Variants in NCK1 observed in about 807,000 individuals in gnomAD.
NCK1 encodes the protein SH2/SH3 adapter protein NCK1.
NCK1 carries 19 observed loss-of-function variants against 36.6 expected under a neutral mutation model. The observed-to-expected ratio is 0.52, with a 90% CI of 0.36 to 0.76. NCK1 has a LOEUF of 0.76. NCK1 is among the 30% of genes least tolerant of loss of function. The pLI is 0.00. For missense variants in NCK1, 358 were observed against 445.6 expected (o/e 0.80, Z 1.77); for synonymous variants, 165 against 156.0 (o/e 1.06, Z -0.43).
intron 2 of NCK1, among the ~76,000 whole-genome samples, chr3:136,932,958 A>G (rs1291357263): frequency 2.6e-5 from 4 of 152,262 alleles, no homozygotes; most frequent in African/African-American, 9.6e-5. Flanking sequence ...GAAATCACTA[A>G]TAAGTACACT....
rs988835074 is a variant in NCK1 at position 136,928,290 on chromosome 3, G to A, written c.226+63G>A. On this transcript the variant is annotated intron_variant, in intron 2 of 3. Coordinates refer to ENST00000481752, the MANE Select transcript of NCK1 (RefSeq NM_001291999.2). ...AATGAAACCTGCAACTTAGTTCTTT[G>A]TACATAATTCTGGCAGCAGTGTGCA... is the stretch of plus-strand genomic sequence containing the variant. The A allele has an allele frequency of 6.3e-6, 9 of 1,438,578 alleles. No homozygotes were observed. The African/African-American group carries it at 1.2e-4, about 18-fold the overall frequency. The allele number at this position is 1,438,578 out of a possible 1,614,324, so 89.1% of individuals were successfully genotyped here.
At chr3:136,924,134 G>A (rs1289086290) in intron 1 of NCK1, among the ~76,000 whole-genome samples, 1 of 152,188 alleles carries the variant, frequency 6.6e-6, no homozygotes, top group Non-Finnish European at 1.5e-5. Flanking sequence ...AATCAGTTCA[G>A]TGCTACAAAT....
intron 1 of NCK1, among the ~76,000 whole-genome samples, chr3:136,879,087 C>T (rs1446321583): frequency 1.3e-5 from 2 of 150,586 alleles, no homozygotes; most frequent in Admixed American, 1.3e-4. Flanking sequence ...ATATAAGAAA[C>T]CTCTTAAAAG....
At chr3:136,927,877 T>A (rs1256709369) in intron 1 of NCK1, 107 bp from the exon 2 acceptor site, 1 of 817,136 alleles carries the variant, frequency 1.2e-6, no homozygotes, top group African/African-American at 1.7e-5. Flanking sequence ...CCATATTTTT[T>A]ACTTTTCATC....
intron 2 of NCK1, among the ~76,000 whole-genome samples, chr3:136,943,102 A>G (rs572940217): frequency 6.6e-6 from 1 of 151,444 alleles, no homozygotes; most frequent in East Asian, 1.9e-4. Flanking sequence ...CAAAGCAGCA[A>G]CTTCTTTCTT....
intron 1 of NCK1, among the ~76,000 whole-genome samples, chr3:136,907,090 C>T (rs1939706350): frequency 6.6e-6 from 1 of 152,062 alleles, no homozygotes; most frequent in African/African-American, 2.4e-5. Flanking sequence ...TCAGTGGGAG[C>T]ATTCATAGGC....
intron 2 of NCK1, among the ~76,000 whole-genome samples, chr3:136,936,001 C>CAT (rs1289627306): frequency 6.6e-6 from 1 of 150,898 alleles, no homozygotes; most frequent in East Asian, 1.9e-4. Context: ...CATGTTGTAG[C>CAT]ATATATCAGT....
intron 1 of NCK1, among the ~76,000 whole-genome samples, chr3:136,882,370 TG>T (rs1938965083): frequency 6.6e-6 from 1 of 152,244 alleles, no homozygotes; most frequent in South Asian, 2.1e-4. Flanking sequence ...GTTATGTTTT[TG>T]TTGAGTCTGA....
intron 2 of NCK1, among the ~76,000 whole-genome samples, chr3:136,935,554 G>T (rs1440404953): frequency 6.6e-6 from 1 of 152,124 alleles, no homozygotes; most frequent in African/African-American, 2.4e-5. Context: ...GACTGAGGGA[G>T]AAACTGAATT....
intron 1 of NCK1, among the ~76,000 whole-genome samples, chr3:136,912,208 G>C (rs546472785): frequency 3.7e-4 from 53 of 145,150 alleles, no homozygotes; most frequent in African/African-American, 1.2e-3. Context: ...TGTCACCCAG[G>C]CTGGAGTGCA....
intron 2 of NCK1, among the ~76,000 whole-genome samples, chr3:136,935,184 G>A (rs1450024836): frequency 6.6e-6 from 1 of 152,074 alleles, no homozygotes; most frequent in Non-Finnish European, 1.5e-5. Flanking sequence ...TACAGTGTGA[G>A]CCCCCGTGCT....
intron 1 of NCK1, among the ~76,000 whole-genome samples, chr3:136,884,353 T>C (rs1939019609): frequency 6.6e-6 from 1 of 152,222 alleles, no homozygotes; most frequent in African/African-American, 2.4e-5. Context: ...TTTTATTAAG[T>C]AGTTTGAGAT....
rs138123477 is a variant in NCK1, at chr3:136,885,309, A to G, written c.-19+22956A>G. Among the ~76,000 whole-genome samples the G allele has an allele frequency of 3.6e-3, 546 of 152,262 alleles. 3 individuals are homozygous for G. The highest frequency in any genetic ancestry group is 0.01 in the African/African-American group (422 of 41,548). On this transcript the variant is annotated intron_variant, in intron 1 of 3. Coordinates refer to ENST00000481752, the MANE Select transcript of NCK1 (RefSeq NM_001291999.2). ...TGAAATTTTACATAATAGAAATTAT[A>G]AAAGGAGGGAATTGTCTTTTCCAGC... is the stretch of plus-strand genomic sequence containing the variant.
At chr3:136,911,361 T>C (rs1009010589) in intron 1 of NCK1, among the ~76,000 whole-genome samples, 32 of 152,228 alleles carry the variant, frequency 2.1e-4, no homozygotes, top group Non-Finnish European at 3.5e-4. Context: ...TAATTTAATT[T>C]ACATCCCCAC....
At chr3:136,880,275 A>T (rs1238641025) in intron 1 of NCK1, among the ~76,000 whole-genome samples, 1 of 151,142 alleles carries the variant, frequency 6.6e-6, no homozygotes. Context: ...ACAGAGCGAG[A>T]CTCCGTCTCA....
chr3:136,923,927 A>C (rs953147629), intron 1 of NCK1, among the ~76,000 whole-genome samples: 3 of 152,216 alleles, frequency 2.0e-5, no homozygotes, highest in African/African-American at 7.2e-5. Flanking sequence ...TATATATTCT[A>C]CCTTTTCTGT....
intron 1 of NCK1, among the ~76,000 whole-genome samples, chr3:136,868,517 A>G (rs1197277937): frequency 1.4e-5 from 2 of 147,666 alleles, no homozygotes; most frequent in Non-Finnish European, 3.0e-5. Flanking sequence ...TAGCAGAGAC[A>G]GGGTTTCACC....
At chr3:136,947,278 T>A (rs1042433558) in intron 3 of NCK1, among the ~76,000 whole-genome samples, 1 of 152,104 alleles carries the variant, frequency 6.6e-6, no homozygotes, top group Non-Finnish European at 1.5e-5. Context: ...TTTGAAACTT[T>A]GGGAGTAACT....
intron 1 of NCK1, among the ~76,000 whole-genome samples, chr3:136,869,556 GAA>G (rs1938547683): frequency 6.6e-6 from 1 of 152,010 alleles, no homozygotes; most frequent in African/African-American, 2.4e-5. Context: ...AGAAAAAAAA[GAA>G]AGAAAGAAAA....
Sources: gnomAD v4.1 joint callset for allele counts (sites outside exome capture counted in the v4.1 genomes callset) on GRCh38, gnomAD v4.1.1 for gene constraint, MANE v1.5 for transcripts, NCBI Gene and HGNC (gene_info 2026-07-23, HGNC 2026-07-21) for gene names.